Variants in AGBL2 observed in about 807,000 individuals in gnomAD.
AGBL2 encodes cytosolic carboxypeptidase 2.
In AGBL2, 87 loss-of-function variants were observed where a neutral mutation model predicts 103.0. The observed-to-expected ratio is 0.84, with a 90% CI of 0.71 to 1.01. AGBL2 has a LOEUF of 1.01. Among genes scored for constraint, AGBL2 ranks in the 50% least tolerant of loss-of-function variants. The pLI is 0.00. For missense variants in AGBL2, 904 were observed against 1,023.5 expected (o/e 0.88, Z 1.59); for synonymous variants, 335 against 356.7 (o/e 0.94, Z 0.69).
intron 14 of AGBL2, among the ~76,000 whole-genome samples, chr11:47,675,053 C>T (rs1203922163): frequency 1.3e-5 from 2 of 151,784 alleles, no homozygotes; most frequent in Admixed American, 6.6e-5. Flanking sequence ...TAAAAAATCA[C>T]TCTTCTGCTT....
At chr11:47,661,758 CCTT>C (rs773647760) in intron 18 of AGBL2, among the ~76,000 whole-genome samples, 29 of 151,990 alleles carry the variant, frequency 1.9e-4, no homozygotes, top group Admixed American at 4.6e-4. Context: ...TGTTTTGCCA[CCTT>C]TTTTTTTTTT....
chr11:47,714,138 T>C, intron 3 of AGBL2, 146 bp downstream of exon 3: 1 of 638,630 alleles, frequency 1.6e-6, no homozygotes, highest in Non-Finnish European at 2.8e-6. Flanking sequence ...GGAAAGGAAG[T>C]ACTTTTCACT....
In AGBL2 at chr11:47,660,055, G is replaced by T. The variant is rs920007718; in HGVS notation, c.*118C>A. 1 of 1,147,704 alleles carries T rather than the reference G, an allele frequency of 8.7e-7. No homozygotes were observed. 71.1% of individuals were successfully genotyped at this position (1,147,704 alleles called of 1,614,324 possible). On this transcript the variant is annotated 3_prime_UTR_variant, in exon 19 of 19. Coordinates refer to ENST00000525123, the MANE Select transcript of AGBL2 (RefSeq NM_024783.4). Reference sequence around the variant, plus strand: ...CAAAGTGTAAGGTCAGTGCATGAGTGCACAACACAGTATACCACAAGTAAA... The same window carrying T: ...CAAAGTGTAAGGTCAGTGCATGAGTTCACAACACAGTATACCACAAGTAAA...
At chr11:47,688,445 T>C (rs902319259) in intron 10 of AGBL2, among the ~76,000 whole-genome samples, 5 of 152,154 alleles carry the variant, frequency 3.3e-5, no homozygotes, top group Non-Finnish European at 7.4e-5. Context: ...TTCCTGACTT[T>C]CGAGGGCCAG....
At chr11:47,684,842 G>A (rs1398266910) in intron 11 of AGBL2, among the ~76,000 whole-genome samples, 2 of 152,066 alleles carry the variant, frequency 1.3e-5, no homozygotes, top group African/African-American at 4.8e-5. Context: ...TTAGCATTTT[G>A]CTTGTCCTTC....
At chr11:47,711,894 T>C (rs1156235353) in intron 3 of AGBL2, among the ~76,000 whole-genome samples, 2 of 152,134 alleles carry the variant, frequency 1.3e-5, no homozygotes, top group Non-Finnish European at 2.9e-5. Context: ...CTGAGCAACA[T>C]AGTAAGACCA....
In AGBL2 at chr11:47,668,896, G is replaced by C; in HGVS notation, c.2159C>G (p.Ser720Cys). ...AAGACCATCTGAGAGAGAACTGTCA[G>C]AGCCACTGGTGCTGTTTCCAAAAGA... ...LSDIESSTSG[S>C]DSSLSDGLPV... Residue 720 changes from serine to cysteine, a missense_variant, in exon 15 of 19, where the codon TCT becomes TGT. Transcript: ENST00000525123. 1 of 1,612,884 alleles carries C rather than the reference G, an allele frequency of 6.2e-7. No individual in the cohort carries two copies. Among genetic ancestry groups the C allele is most frequent in the African/African-American group, 1.3e-5 (1 of 74,984 alleles).
intron 10 of AGBL2, among the ~76,000 whole-genome samples, chr11:47,687,775 ATTTCTTTCTTTCTTTTTTCT>A (rs1312591543): frequency 2.0e-5 from 3 of 148,594 alleles, no homozygotes; most frequent in Non-Finnish European, 3.0e-5. Context: ...AGTCTAAGGT[ATTTCTTTCTTTCTTTTTTCT>A]TTTCTTTCTT....
At chr11:47,699,624 A>T in intron 7 of AGBL2, 71 bp from the exon 8 acceptor site, 1 of 772,244 alleles carries the variant, frequency 1.3e-6, no homozygotes, top group Non-Finnish European at 2.0e-6. Flanking sequence ...CTAATATAAA[A>T]TAATAATAAT....
chr11:47,710,736 G>C (rs1565100140), intron 3 of AGBL2: 1 of 597,314 alleles, frequency 1.7e-6, no homozygotes, highest in Non-Finnish European at 3.1e-6. Context: ...GGAGACTTGA[G>C]AAGCAGCCTG....
intron 4 of AGBL2, among the ~76,000 whole-genome samples, chr11:47,706,522 A>AT (rs2097520321): frequency 6.6e-6 from 1 of 151,798 alleles, no homozygotes; most frequent in Non-Finnish European, 1.5e-5. Context: ...TCTCAAAAAA[A>AT]AAATAAATAA....
At chr11:47,681,450 G>A (rs942873645) in intron 12 of AGBL2, among the ~76,000 whole-genome samples, 4 of 152,164 alleles carry the variant, frequency 2.6e-5, no homozygotes, top group South Asian at 2.1e-4. Flanking sequence ...CTATCTGCCT[G>A]ATTCCAGGTT....
chr11:47,708,673 G>A (rs2097528341), intron 4 of AGBL2, among the ~76,000 whole-genome samples: 1 of 151,754 alleles, frequency 6.6e-6, no homozygotes, highest in African/African-American at 2.4e-5. Flanking sequence ...AATTAGCTGG[G>A]CATGGTGGCG....
intron 14 of AGBL2, among the ~76,000 whole-genome samples, chr11:47,669,108 C>T (rs547332937): frequency 1.3e-5 from 2 of 152,264 alleles, no homozygotes; most frequent in African/African-American, 4.8e-5. Flanking sequence ...CACTCTGTCA[C>T]CCAGGCTGGA....
At position 47,704,746 on chromosome 11, in the gene AGBL2, AG is replaced by A; in HGVS notation, c.401-19del. The A allele has an allele frequency of 6.2e-7, 1 of 1,605,860 alleles. No homozygotes were observed. Among genetic ancestry groups the A allele is most frequent in the Non-Finnish European group, 8.5e-7 (1 of 1,175,214 alleles). On this transcript the variant is annotated intron_variant, in intron 6 of 18. Coordinates refer to ENST00000525123, the MANE Select transcript of AGBL2 (RefSeq NM_024783.4). ...ATGTGAATCTGCCAAAGGGAAAGAGAGTAAGTGAACATCTTCCTTTTCCTCC... is the reference window on the plus strand; with the variant it reads ...ATGTGAATCTGCCAAAGGGAAAGAGATAAGTGAACATCTTCCTTTTCCTCC...
At chr11:47,693,191 T>A (rs1273554645) in intron 8 of AGBL2, among the ~76,000 whole-genome samples, 1 of 151,798 alleles carries the variant, frequency 6.6e-6, no homozygotes, top group African/African-American at 2.4e-5. Context: ...TTTGACAGGG[T>A]CTTGCTCTGT....
chr11:47,692,723 AT>A (rs1009968936), intron 8 of AGBL2, among the ~76,000 whole-genome samples: 8 of 150,686 alleles, frequency 5.3e-5, no homozygotes, highest in African/African-American at 1.5e-4. Flanking sequence ...TCCAACATCA[AT>A]TTTTTTTTAA....
chr11:47,677,141 G>A lies in AGBL2; in HGVS notation c.2147+130C>T, dbSNP rs868338895. On this transcript the variant is annotated intron_variant, in intron 14 of 18. Transcript: ENST00000525123. ...TCCCACCTCAGCCTCCCCAGTGTCT[G>A]GGACTACAGGCATAGATCACCAAGC... is the stretch of plus-strand genomic sequence containing the variant. The A allele has an allele frequency of 1.5e-4, 108 of 723,036 alleles. No homozygotes were observed. In the African/African-American group the frequency reaches 1.9e-3, roughly 13 times the overall value. The allele number at this position is 723,036 out of a possible 1,614,324, so 44.8% of individuals were successfully genotyped here.
At position 47,704,571 on chromosome 11, in the gene AGBL2, C is replaced by T; in HGVS notation, c.558G>A (p.Glu186=). 2 of 1,613,800 alleles carry T rather than the reference C, an allele frequency of 1.2e-6. No individual in the cohort carries two copies. The highest frequency in any genetic ancestry group is 1.3e-5 in the African/African-American group (1 of 74,956). ...LQAPRWPIEC[E]VIKENIHHIE... ...TATGATGGATGTTTTCCTTGATGAC[C>T]TCACATTCAATTGGCCATCTTGGAG... The change falls in exon 7 of 19, where the codon GAG becomes GAA. Residue 186 remains glutamate (E), a synonymous_variant. Transcript: ENST00000525123.
Sources: allele counts gnomAD v4.1 joint callset (sites outside exome capture counted in the v4.1 genomes callset), GRCh38; gene constraint gnomAD v4.1.1; transcripts MANE v1.5; gene names NCBI Gene and HGNC (gene_info 2026-07-23, HGNC 2026-07-21).